Variants in STAC observed in about 807,000 individuals in gnomAD.
STAC encodes the protein SH3 and cysteine-rich domain-containing protein.
STAC carries 43 observed loss-of-function variants against 48.8 expected under a neutral mutation model. The ratio of observed to expected loss-of-function variants is 0.88; its 90% CI spans 0.69 to 1.14. The LOEUF is 1.14. Among genes scored for constraint, STAC ranks in the 50% most tolerant of loss-of-function variants. The pLI is 0.00. For synonymous variants in STAC, 193 were observed against 179.5 expected (o/e 1.07, Z -0.60); for missense variants, 497 against 504.0 (o/e 0.99, Z 0.13).
intron 2 of STAC, among the ~76,000 whole-genome samples, chr3:36,472,335 T>C (rs1697364333): frequency 6.6e-6 from 1 of 152,208 alleles, no homozygotes; most frequent in South Asian, 2.1e-4. Flanking sequence ...AGGCCTGTGA[T>C]GGGAGGGGCT....
chr3:36,514,493 A>C (rs1346078250), intron 8 of STAC, among the ~76,000 whole-genome samples: 1 of 151,890 alleles, frequency 6.6e-6, no homozygotes, highest in Non-Finnish European at 1.5e-5. Context: ...TCAAACACTT[A>C]TCTCTACTTG....
chr3:36,542,911 A>G (rs1489641934), intron 10 of STAC, among the ~76,000 whole-genome samples: 6 of 152,210 alleles, frequency 3.9e-5, no homozygotes, highest in Non-Finnish European at 7.3e-5. Context: ...TAGGTACTCA[A>G]TAAAGAGTTG....
At chr3:36,413,352 G>T (rs950723383) in intron 1 of STAC, among the ~76,000 whole-genome samples, 2 of 152,182 alleles carry the variant, frequency 1.3e-5, no homozygotes, top group Admixed American at 1.3e-4. Flanking sequence ...ATGAATCTGG[G>T]TGTTCCTGTA....
At chr3:36,541,593 A>G (rs1316646594) in intron 10 of STAC, among the ~76,000 whole-genome samples, 1 of 152,216 alleles carries the variant, frequency 6.6e-6, no homozygotes. Context: ...GGAACACTGA[A>G]TGTTAACATT....
intron 10 of STAC, chr3:36,529,230 C>G (rs184217045): frequency 2.2e-5 from 6 of 267,094 alleles, no homozygotes; most frequent in African/African-American, 1.1e-4. Context: ...GACGACATCT[C>G]GTCCCCCATG....
chr3:36,486,800 C>T (rs1229067539), intron 5 of STAC, among the ~76,000 whole-genome samples: 1 of 152,236 alleles, frequency 6.6e-6, no homozygotes, highest in African/African-American at 2.4e-5. Flanking sequence ...CTGACTTAAA[C>T]TGAGTGTTCC....
chr3:36,487,480 GT>G (rs1697844997), intron 5 of STAC, among the ~76,000 whole-genome samples: 1 of 152,134 alleles, frequency 6.6e-6, no homozygotes, highest in Non-Finnish European at 1.5e-5. Context: ...ACATCAGATA[GT>G]TCTTTCTTCT....
intron 1 of STAC, among the ~76,000 whole-genome samples, chr3:36,388,683 C>G (rs1233066907): frequency 6.6e-6 from 1 of 151,672 alleles, no homozygotes; most frequent in Non-Finnish European, 1.5e-5. Flanking sequence ...CTATTTTTTC[C>G]CAAATGATGA....
At chr3:36,509,318 T>C (rs1698479611) in intron 8 of STAC, among the ~76,000 whole-genome samples, 1 of 152,198 alleles carries the variant, frequency 6.6e-6, no homozygotes, top group African/African-American at 2.4e-5. Flanking sequence ...AACCTTTCTC[T>C]CTGGCTGCGC....
chr3:36,496,433 C>G (rs895336679), intron 6 of STAC, among the ~76,000 whole-genome samples: 3 of 152,184 alleles, frequency 2.0e-5, no homozygotes, highest in Non-Finnish European at 2.9e-5. Context: ...CAGTCACAAC[C>G]AGTTCTGCAT....
At chr3:36,489,781 G>C (rs755407977) in intron 5 of STAC, among the ~76,000 whole-genome samples, 8 of 152,114 alleles carry the variant, frequency 5.3e-5, no homozygotes, top group Non-Finnish European at 1.2e-4. Context: ...ATACATATGT[G>C]GTGAGTGCAC....
chr3:36,489,410 T>A (rs370419831), intron 5 of STAC, among the ~76,000 whole-genome samples: 1 of 152,332 alleles, frequency 6.6e-6, no homozygotes, highest in African/African-American at 2.4e-5. Context: ...GTTTTCTGCA[T>A]AGCCATGCTC....
At chr3:36,411,047 T>A (rs1262713128) in intron 1 of STAC, among the ~76,000 whole-genome samples, 2 of 152,208 alleles carry the variant, frequency 1.3e-5, no homozygotes. Flanking sequence ...GTCTATCATC[T>A]AAGTAAATGG....
At chr3:36,384,249 C>G (rs1249550890) in intron 1 of STAC, among the ~76,000 whole-genome samples, 1 of 152,112 alleles carries the variant, frequency 6.6e-6, no homozygotes, top group Non-Finnish European at 1.5e-5. Flanking sequence ...TGCTATAAAT[C>G]TCTTTGTCAT....
At chr3:36,524,633 T>A (rs1462930074) in intron 8 of STAC, among the ~76,000 whole-genome samples, 6 of 151,876 alleles carry the variant, frequency 4.0e-5, no homozygotes, top group Non-Finnish European at 8.8e-5. Flanking sequence ...ATATAAAAAA[T>A]AATAAGCTAT....
chr3:36,420,751 T>C (rs1313387750), intron 1 of STAC, among the ~76,000 whole-genome samples: 3 of 152,248 alleles, frequency 2.0e-5, no homozygotes, highest in Non-Finnish European at 4.4e-5. Context: ...ACTTGTGTTT[T>C]GTTACTACAA....
In STAC at chr3:36,415,164, C is replaced by T. The variant is rs138210183; in HGVS notation, c.112-28200C>T. ...CTGTCGGTTCTCGGATCTCAAGCTG[C>T]GTACTGGGAGAACCACTACTCTCTT... On this transcript the variant is annotated intron_variant, in intron 1 of 10. Coordinates refer to ENST00000273183, the MANE Select transcript of STAC (RefSeq NM_003149.3). 3.2e-4 allele frequency among the ~76,000 whole-genome samples: 49 copies of T among 152,312 alleles called. No individual in the cohort carries two copies. The East Asian group carries it at 6.6e-3, about 20-fold the overall frequency.
intron 2 of STAC, among the ~76,000 whole-genome samples, chr3:36,473,700 C>T (rs867433472): frequency 4.6e-5 from 7 of 152,156 alleles, no homozygotes; most frequent in South Asian, 2.1e-4. Flanking sequence ...TACATATTCA[C>T]ATATGAACAC....
At chr3:36,515,217 C>T (rs921277085) in intron 8 of STAC, among the ~76,000 whole-genome samples, 1 of 152,056 alleles carries the variant, frequency 6.6e-6, no homozygotes, top group Non-Finnish European at 1.5e-5. Flanking sequence ...CCTGTGGTTC[C>T]ATTCACAAAT....
Sources: allele counts gnomAD v4.1 joint callset (sites outside exome capture counted in the v4.1 genomes callset), GRCh38; gene constraint gnomAD v4.1.1; transcripts MANE v1.5; gene names NCBI Gene and HGNC (gene_info 2026-07-23, HGNC 2026-07-21).